Variants in LRRC37A2 observed in about 807,000 individuals in gnomAD.
LRRC37A2 encodes the protein leucine rich repeat containing 37 member A2.
In LRRC37A2, 9 loss-of-function variants were observed where a neutral mutation model predicts 68.8. That is an observed-to-expected ratio of 0.13 (90% confidence interval 0.08 to 0.23). The LOEUF (loss-of-function observed/expected upper bound fraction) is 0.23. Ranked by LOEUF, LRRC37A2 falls within the 10% of genes least tolerant of loss-of-function variation. The pLI, the probability that LRRC37A2 is intolerant of heterozygous loss-of-function variation, is 1.00. For synonymous variants in LRRC37A2, 63 were observed against 367.6 expected (o/e 0.17, Z 9.48); for missense variants, 168 against 950.4 (o/e 0.18, Z 10.82).
chr17:46,782,856 G>A, the LRRC37A2 span, among the ~76,000 whole-genome samples: 59 of 152,210 alleles, frequency 3.9e-4, no homozygotes, highest in African/African-American at 1.3e-3. Context: ...TGGAACACAT[G>A]TGCACCCTGC....
chr17:46,718,142 G>A, the LRRC37A2 span, among the ~76,000 whole-genome samples: 1 of 152,192 alleles, frequency 6.6e-6, no homozygotes, highest in South Asian at 2.1e-4. Context: ...AAGCCAAATG[G>A]CTGCACTGGC....
the LRRC37A2 span, among the ~76,000 whole-genome samples, chr17:46,714,235 C>T: frequency 6.6e-6 from 1 of 152,042 alleles, no homozygotes; most frequent in African/African-American, 2.4e-5. Flanking sequence ...AGTTTCATTG[C>T]CTAGTTTTGT....
the LRRC37A2 span, among the ~76,000 whole-genome samples, chr17:46,944,509 T>TC: frequency 2.0e-5 from 3 of 151,820 alleles, no homozygotes; most frequent in Non-Finnish European, 4.4e-5. Flanking sequence ...CTTCCTGGAG[T>TC]CCCCCAGAGA....
the LRRC37A2 span, chr17:46,941,472 G>A: frequency 1.0e-6 from 1 of 976,406 alleles, no homozygotes; most frequent in East Asian, 1.1e-4. Context: ...CAGGGGCTGG[G>A]CTGGCTGCTT....
chr17:46,781,412 CAAA>C, the LRRC37A2 span, among the ~76,000 whole-genome samples: 1 of 111,868 alleles, frequency 8.9e-6, no homozygotes, highest in African/African-American at 3.4e-5. Context: ...GACTCTGTCT[CAAA>C]AAAAAAAAAA....
At chr17:46,758,541 A>G in the LRRC37A2 span, among the ~76,000 whole-genome samples, 1 of 152,168 alleles carries the variant, frequency 6.6e-6, no homozygotes, top group Non-Finnish European at 1.5e-5. Context: ...TTGTCATAAG[A>G]TGTTTTTGAG....
At chr17:46,894,834 C>T in the LRRC37A2 span, among the ~76,000 whole-genome samples, 1 of 152,256 alleles carries the variant, frequency 6.6e-6, no homozygotes, top group African/African-American at 2.4e-5. Context: ...ACTTCTCCCC[C>T]CTCCACTCTG....
the LRRC37A2 span, among the ~76,000 whole-genome samples, chr17:46,495,684 C>A: frequency 1.3e-5 from 2 of 150,280 alleles, no homozygotes; most frequent in African/African-American, 5.0e-5. Context: ...TGCGCCCAGC[C>A]CCTTTGTGCA....
chr17:46,622,384 G>C, the LRRC37A2 span, among the ~76,000 whole-genome samples: 1 of 150,464 alleles, frequency 6.6e-6, no homozygotes, highest in Non-Finnish European at 1.5e-5. Context: ...CGTGAACCCG[G>C]GAGGCGGAGC....
chr17:46,770,772 GGA>G, the LRRC37A2 span, among the ~76,000 whole-genome samples: 1 of 152,338 alleles, frequency 6.6e-6, no homozygotes, highest in South Asian at 2.1e-4. Flanking sequence ...CGCAGGGAAA[GGA>G]GAGACTCTCA....
At chr17:46,502,294 C>G in the LRRC37A2 span, among the ~76,000 whole-genome samples, 2 of 151,068 alleles carry the variant, frequency 1.3e-5, no homozygotes, top group African/African-American at 4.9e-5. Context: ...CCACTGTTAT[C>G]TAGTTTAAGG....
At chr17:47,002,641 C>T in the LRRC37A2 span, among the ~76,000 whole-genome samples, 15 of 152,264 alleles carry the variant, frequency 9.9e-5, no homozygotes, top group African/African-American at 3.4e-4. Flanking sequence ...CCACCTGCCT[C>T]GGCCTCCCAA....
At chr17:46,873,729 C>T in the LRRC37A2 span, among the ~76,000 whole-genome samples, 1 of 150,514 alleles carries the variant, frequency 6.6e-6, no homozygotes, top group Non-Finnish European at 1.5e-5. Flanking sequence ...TGCAGTTGGC[C>T]GGTTGCCATG....
the LRRC37A2 span, among the ~76,000 whole-genome samples, chr17:46,799,908 G>C: frequency 6.6e-6 from 1 of 152,116 alleles, no homozygotes; most frequent in East Asian, 1.9e-4. Flanking sequence ...TGCACCACAG[G>C]TGGTTCTGTC....
At chr17:47,018,305 G>A in the LRRC37A2 span, 3 of 1,611,400 alleles carry the variant, frequency 1.9e-6, no homozygotes, top group Non-Finnish European at 1.7e-6. Flanking sequence ...AGTCTTCTGG[G>A]GAGGTCGAAT....
chr17:46,935,112 C>G, the LRRC37A2 span: 1 of 1,613,892 alleles, frequency 6.2e-7, no homozygotes, highest in South Asian at 1.1e-5. Context: ...TGGATGACCT[C>G]ATTTTAGATG....
At chr17:46,933,214 C>T in the LRRC37A2 span, 7 of 152,356 alleles carry the variant, frequency 4.6e-5, no homozygotes, top group African/African-American at 1.4e-4. Flanking sequence ...GCCAGCCTGG[C>T]GTGATGCTGT....
At chr17:46,898,953 C>T in the LRRC37A2 span, among the ~76,000 whole-genome samples, 1 of 152,144 alleles carries the variant, frequency 6.6e-6, no homozygotes, top group African/African-American at 2.4e-5. Flanking sequence ...CATGCAAGGA[C>T]TTCCATGTGA....
chr17:46,772,169 C>G, the LRRC37A2 span, among the ~76,000 whole-genome samples: 2 of 152,196 alleles, frequency 1.3e-5, no homozygotes, highest in Admixed American at 6.5e-5. Flanking sequence ...GGGCACCGAC[C>G]GGGGCGCGTA....
Sources: allele counts gnomAD v4.1 joint callset (sites outside exome capture counted in the v4.1 genomes callset), GRCh38; gene constraint gnomAD v4.1.1; transcripts MANE v1.5; gene names NCBI Gene and HGNC (gene_info 2026-07-23, HGNC 2026-07-21).